Variants in SLC66A2 observed in about 807,000 individuals in gnomAD.
The protein encoded by SLC66A2 is solute carrier family 66 member 2, also known as PQ loop repeat containing 1.
SLC66A2 carries 23 observed loss-of-function variants against 25.5 expected under a neutral mutation model. That is an observed-to-expected ratio of 0.90 (90% CI 0.65 to 1.28). The LOEUF (loss-of-function observed/expected upper bound fraction) is 1.28. SLC66A2 is among the 50% of genes most tolerant of loss of function. SLC66A2 has a pLI of 0.00. For missense variants in SLC66A2, 396 were observed against 373.1 expected, an observed-to-expected ratio of 1.06 and a Z score of -0.51; for synonymous variants, 193 against 166.5, an observed-to-expected ratio of 1.16 and a Z score of -1.23.
At chr18:79,925,503 C>T (rs1985840802) in intron 4 of SLC66A2, among the ~76,000 whole-genome samples, 1 of 152,204 alleles carries the variant, frequency 6.6e-6, no homozygotes, top group African/African-American at 2.4e-5. Flanking sequence ...GGGGGCTCAC[C>T]AGAGGCCCAC....
intron 3 of SLC66A2, among the ~76,000 whole-genome samples, chr18:79,942,441 ATCCTCT>A (rs1181545228): frequency 6.6e-6 from 1 of 152,310 alleles, no homozygotes; most frequent in Admixed American, 6.5e-5. Context: ...AGAGGTGGGA[ATCCTCT>A]CCAACAGGAC....
rs1217393190 is a variant in SLC66A2 at position 79,918,098 on chromosome 18, C to T, written c.608+1086G>A. On this transcript the variant is annotated intron_variant, in intron 5 of 5. Coordinates refer to ENST00000397778, the MANE Select transcript of SLC66A2 (RefSeq NM_025078.5). This position sits in a 1 kb window ranked among gnomAD's most constrained non-coding sequence, Gnocchi z 4.0. ...CCTACGACAAGCCCTCCTACCTTTA[C>T]CTCTCACGGGCAACTGAACCTACAC... Among the ~76,000 whole-genome samples, 1 of 152,088 alleles carries T rather than the reference C, an allele frequency of 6.6e-6. No individual in the cohort carries two copies. Among genetic ancestry groups the T allele is most frequent in the African/African-American group, 2.4e-5 (1 of 41,400 alleles).
chr18:79,927,010 C>A lies in SLC66A2; in HGVS notation c.391+6959G>T, dbSNP rs1162902620. 1.3e-5 allele frequency among the ~76,000 whole-genome samples: 2 copies of A among 152,302 alleles called. No individual in the cohort carries two copies. The highest frequency in any genetic ancestry group is 3.9e-4 in the East Asian group (2 of 5,186). ...TTTCAGTATTTTTAAAAATACAAAT[C>A]GACTCTCCAGGAAAAAACAAAAAAA... On this transcript the variant is annotated intron_variant, in intron 4 of 5. Transcript: ENST00000397778. This position sits in a 1 kb window ranked among gnomAD's most constrained non-coding sequence, Gnocchi z 6.2.
At chr18:79,909,769 TC>T (rs1982718054) in intron 5 of SLC66A2, among the ~76,000 whole-genome samples, 3 of 18,050 alleles carry the variant, frequency 1.7e-4, no homozygotes, top group African/African-American at 2.3e-4. Context: ...CTTCCCCACA[TC>T]CTCACCATAG....
intron 5 of SLC66A2, among the ~76,000 whole-genome samples, chr18:79,910,777 G>A (rs1480455566): frequency 2.0e-5 from 3 of 151,986 alleles, no homozygotes; most frequent in African/African-American, 4.8e-5. Context: ...CAGTGTAGAC[G>A]GAGGAGGCCA....
intron 5 of SLC66A2, among the ~76,000 whole-genome samples, chr18:79,913,363 A>G (rs900688374): frequency 3.3e-5 from 5 of 152,228 alleles, no homozygotes; most frequent in Non-Finnish European, 7.3e-5. Flanking sequence ...CTTGTCAGGG[A>G]ACAGTCTTCA....
intron 5 of SLC66A2, among the ~76,000 whole-genome samples, chr18:79,913,562 A>G (rs67651675): frequency 0.54 from 82,880 of 152,230 alleles, 23,559 homozygotes; most frequent in South Asian, 0.72. Context: ...GCAGTTGCTC[A>G]CAGGTGGAAA....
chr18:79,926,025 A>G (rs575312298), intron 4 of SLC66A2, among the ~76,000 whole-genome samples: 1 of 152,332 alleles, frequency 6.6e-6, no homozygotes, highest in South Asian at 2.1e-4. Context: ...AGACGGCCAC[A>G]AGAGTGACCT....
intron 5 of SLC66A2, among the ~76,000 whole-genome samples, chr18:79,906,130 G>A (rs1982099329): frequency 6.6e-6 from 1 of 152,266 alleles, no homozygotes; most frequent in South Asian, 2.1e-4. Context: ...AAATACTGGG[G>A]ATCTGTGCTT....
chr18:79,916,310 C>T (rs896959635), intron 5 of SLC66A2, among the ~76,000 whole-genome samples: 11 of 146,196 alleles, frequency 7.5e-5, no homozygotes, highest in African/African-American at 1.9e-4. Context: ...CTCCCGTACC[C>T]GTGGTGCTCC....
chr18:79,934,273 T>C (rs1237502927), intron 3 of SLC66A2, among the ~76,000 whole-genome samples: 1 of 152,124 alleles, frequency 6.6e-6, no homozygotes, highest in African/African-American at 2.4e-5. Context: ...GGAGAAAAAT[T>C]GAGCCAAAAA....
intron 3 of SLC66A2, among the ~76,000 whole-genome samples, chr18:79,936,892 G>A (rs1170765509): frequency 2.6e-5 from 4 of 152,126 alleles, no homozygotes; most frequent in Non-Finnish European, 5.9e-5. Flanking sequence ...TTCAGTAACC[G>A]GGAGGCCGGC....
rs1257519336 is a variant in SLC66A2 at position 79,902,551 on chromosome 18, AAT to A, written c.*1423_*1424del. On this transcript the variant is annotated 3_prime_UTR_variant, in exon 6 of 6. Transcript: ENST00000397778. The stretch of plus-strand genomic sequence containing the variant: ...CAGACATCTTGCTTCATCTTAAAAA[AAT>A]AAAAATTTTCAAAGCATCTCACAGG... 3.3e-5 allele frequency: 5 copies of A among 152,308 alleles called. No homozygotes were observed. The highest frequency in any genetic ancestry group is 1.2e-4 in the African/African-American group (5 of 41,486). The allele number at this position is 152,308 out of a possible 1,614,324, so 9.4% of individuals were successfully genotyped here.
rs558894761 is a variant in SLC66A2 at position 79,904,978 on chromosome 18, G to A, written c.609-795C>T. Among the ~76,000 whole-genome samples, 5 of 152,312 alleles carry A rather than the reference G, an allele frequency of 3.3e-5. No homozygotes were observed. Among genetic ancestry groups the A allele is most frequent in the Admixed American group, 6.5e-5 (1 of 15,312 alleles). On this transcript the variant is annotated intron_variant, in intron 5 of 5. Transcript: ENST00000397778. This position sits in a 1 kb window ranked among gnomAD's most constrained non-coding sequence, Gnocchi z 6.3. ...AGCCCTCCCCCACCCTGGGGCGTCC[G>A]TCCCGCTCATAAGCCAGGGTGGGCA...
At position 79,919,282 on chromosome 18, in the gene SLC66A2, A is replaced by C. The variant is rs781368119; in HGVS notation, c.510T>G (p.Phe170Leu). Residue 170 changes from phenylalanine (F) to leucine (L), a missense_variant, in exon 5 of 6, where the codon TTT (phenylalanine) becomes TTG (leucine). Transcript: ENST00000397778. ...CAGCCAGGAAGCCCAGGGTCTCCAC[A>C]AACAGGGCGGAGTCAATGGACAGGT... ...ITYLSIDSALFVETLGFLAVL... is the reference protein window; with the variant it reads ...ITYLSIDSALLVETLGFLAVL... The C allele has an allele frequency of 2.5e-6, 4 of 1,613,332 alleles. No individual in the cohort carries two copies. The East Asian group carries it at 8.9e-5, about 36-fold the overall frequency.
intron 3 of SLC66A2, among the ~76,000 whole-genome samples, chr18:79,935,749 G>A (rs931134120): frequency 6.6e-6 from 1 of 152,150 alleles, no homozygotes; most frequent in Non-Finnish European, 1.5e-5. Context: ...CCTGGGTGGA[G>A]GTCCCAGCAG....
At chr18:79,938,131 G>A (rs1037080674) in intron 3 of SLC66A2, among the ~76,000 whole-genome samples, 147 of 133,114 alleles carry the variant, frequency 1.1e-3, no homozygotes, top group African/African-American at 3.9e-3. Flanking sequence ...GGGCAACAGA[G>A]TGAGACCCTG....
intron 5 of SLC66A2, among the ~76,000 whole-genome samples, chr18:79,909,769 T>A (rs1272444141): frequency 1.6e-3 from 28 of 18,038 alleles, no homozygotes; most frequent in South Asian, 6.6e-3. Flanking sequence ...CTTCCCCACA[T>A]CCTCACCATA....
intron 5 of SLC66A2, among the ~76,000 whole-genome samples, chr18:79,909,820 C>A (rs1431831083): frequency 8.0e-6 from 1 of 124,970 alleles, no homozygotes; most frequent in Non-Finnish European, 1.7e-5. Context: ...GAGTCCCCAA[C>A]CTTCCCCACC....
Sources: gnomAD v4.1 joint callset for allele counts (sites outside exome capture counted in the v4.1 genomes callset) on GRCh38, gnomAD v4.1.1 for gene constraint, Gnocchi (gnomAD v3.1) non-coding constraint, MANE v1.5 for transcripts, NCBI Gene and HGNC (gene_info 2026-07-23, HGNC 2026-07-21) for gene names.